Variants in GNAI3 observed in about 807,000 individuals in gnomAD.
GNAI3 encodes guanine nucleotide-binding protein G(i) subunit alpha-3.
In GNAI3, 12 loss-of-function variants were observed where a neutral mutation model predicts 41.8. That is an observed-to-expected ratio of 0.29 (90% CI 0.18 to 0.47). The LOEUF (loss-of-function observed/expected upper bound fraction) is 0.47. GNAI3 is among the 20% of genes least tolerant of loss of function. The pLI is 1.00. For missense variants in GNAI3, 360 were observed against 429.6 expected (o/e 0.84, Z 1.43); for synonymous variants, 132 against 146.5 (o/e 0.90, Z 0.71).
At chr1:109,559,303 G>A (rs79204218) in intron 1 of GNAI3, among the ~76,000 whole-genome samples, 34 of 152,306 alleles carry the variant, frequency 2.2e-4, no homozygotes, top group African/African-American at 7.9e-4. Context: ...TAGTAGACTA[G>A]CAATAATAAA....
Position 109,586,820 on chromosome 1 carries a change from A to T in GNAI3, c.812A>T (p.Lys271Ile), listed in dbSNP as rs751150020. 1 of 1,598,954 alleles carries T rather than the reference A, an allele frequency of 6.3e-7. No individual in the cohort carries two copies. Among genetic ancestry groups the T allele is most frequent in the Non-Finnish European group, 8.6e-7 (1 of 1,166,378 alleles). ...ETSIILFLNK[K>I]DLFEEKIKRS... ...TCAATCATTCTCTTCCTTAACAAGAAAGACCTTTTTGAGGAAAAAATAAAG... is the reference window on the plus strand; with the variant it reads ...TCAATCATTCTCTTCCTTAACAAGATAGACCTTTTTGAGGAAAAAATAAAG... The change falls in exon 7 of 9, where the codon AAA becomes ATA. Residue 271 changes from lysine to isoleucine, a missense_variant. Lys to Ile is a moderately radical substitution (Grantham distance 102, BLOSUM62 -3). Coordinates refer to ENST00000369851, the MANE Select transcript of GNAI3 (RefSeq NM_006496.4).
chr1:109,598,158 T>G lies in GNAI3; in HGVS notation c.*5836T>G, dbSNP rs982459305. 1 of 152,218 alleles carries G rather than the reference T, an allele frequency of 6.6e-6. No homozygotes were observed. Among genetic ancestry groups the G allele is most frequent in the Non-Finnish European group, 1.5e-5 (1 of 68,038 alleles). 9.4% of individuals were successfully genotyped at this position (152,218 alleles called of 1,614,324 possible). A position where few individuals can be genotyped will look rare whatever the true frequency, so the allele number is the denominator to read the frequency against. On this transcript the variant is annotated 3_prime_UTR_variant, in exon 9 of 9. Coordinates refer to ENST00000369851, the MANE Select transcript of GNAI3 (RefSeq NM_006496.4). ...CTCTCCCTACGCCCAAAATTCTCCT[T>G]AGGTTATCCAGACATTTTTACTAAG...
chr1:109,594,876 A>G lies in GNAI3; in HGVS notation c.*2554A>G, dbSNP rs1223877510. 1 of 152,144 alleles carries G rather than the reference A, an allele frequency of 6.6e-6. No individual in the cohort carries two copies. Among genetic ancestry groups the G allele is most frequent in the East Asian group, 1.9e-4 (1 of 5,192 alleles). The allele number at this position is 152,144 out of a possible 1,614,324, so 9.4% of individuals were successfully genotyped here. A position where few individuals can be genotyped will look rare whatever the true frequency, so the allele number is the denominator to read the frequency against. Reference sequence around the variant, plus strand: ...ATGGTCTTGATCCCCTGACCTCGTGATCTGCCTGCCTCAGCCTCCCAAAGT... The same window carrying G: ...ATGGTCTTGATCCCCTGACCTCGTGGTCTGCCTGCCTCAGCCTCCCAAAGT... On this transcript the variant is annotated 3_prime_UTR_variant, in exon 9 of 9. Transcript: ENST00000369851.
At chr1:109,572,771 G>C (rs1245073936) in intron 1 of GNAI3, among the ~76,000 whole-genome samples, 1 of 152,028 alleles carries the variant, frequency 6.6e-6, no homozygotes, top group African/African-American at 2.4e-5. Flanking sequence ...TGACCCAGTG[G>C]AAAGAAAAAA....
chr1:109,578,470 C>CAAAAAAAAAAAAAA (rs35519193), intron 3 of GNAI3, among the ~76,000 whole-genome samples: 5 of 84,308 alleles, frequency 5.9e-5, no homozygotes, highest in African/African-American at 9.2e-5. Context: ...AACTCCGTCT[C>CAAAAAAAAAAAAAA]AAAAAAAAAA....
chr1:109,565,400 T>C (rs1285544187), intron 1 of GNAI3, among the ~76,000 whole-genome samples: 2 of 152,048 alleles, frequency 1.3e-5, no homozygotes, highest in African/African-American at 2.4e-5. Flanking sequence ...AGAGTAAGGT[T>C]AGAAGGGAGT....
Position 109,591,715 on chromosome 1 carries a change from C to G in GNAI3, c.875-328C>G, listed in dbSNP as rs531053306. On this transcript the variant is annotated intron_variant, in intron 7 of 8. Coordinates refer to ENST00000369851, the MANE Select transcript of GNAI3 (RefSeq NM_006496.4). ...CTCAGACCTTTTAAGCAGTTGTGTTCCCTAGAAATGCACCTTCCTACTTTC... is the reference window on the plus strand; with the variant it reads ...CTCAGACCTTTTAAGCAGTTGTGTTGCCTAGAAATGCACCTTCCTACTTTC... 4.3e-4 allele frequency: 158 copies of G among 371,092 alleles called. 1 individual carries two copies. Among genetic ancestry groups the G allele is most frequent in the African/African-American group, 2.9e-3 (139 of 48,278 alleles). 23.0% of individuals were successfully genotyped at this position (371,092 alleles called of 1,614,324 possible). A position where few individuals can be genotyped will look rare whatever the true frequency, so the allele number is the denominator to read the frequency against.
chr1:109,588,704 C>G (rs1557912619), intron 7 of GNAI3, among the ~76,000 whole-genome samples: 1 of 152,050 alleles, frequency 6.6e-6, no homozygotes, highest in South Asian at 2.1e-4. Context: ...ACCATCCTGA[C>G]CAATGTGGTG....
intron 1 of GNAI3, among the ~76,000 whole-genome samples, chr1:109,553,760 G>A (rs1648067095): frequency 6.6e-6 from 1 of 152,188 alleles, no homozygotes; most frequent in Admixed American, 6.5e-5. Context: ...GTTTGGTTAC[G>A]TGAATAAGTT....
At chr1:109,580,712 G>A (rs6658855) in intron 4 of GNAI3, among the ~76,000 whole-genome samples, 42,752 of 152,052 alleles carry the variant, frequency 0.28, 7,211 homozygotes, top group African/African-American at 0.47. Flanking sequence ...GTGTATCTCA[G>A]CATCTCTAAA....
At chr1:109,549,908 T>C (rs1647938813) in intron 1 of GNAI3, among the ~76,000 whole-genome samples, 1 of 152,180 alleles carries the variant, frequency 6.6e-6, no homozygotes, top group Non-Finnish European at 1.5e-5. Flanking sequence ...ATACAAAGAA[T>C]ACTGGCATTA....
At chr1:109,567,971 GTT>G (rs35770839) in intron 1 of GNAI3, among the ~76,000 whole-genome samples, 23 of 139,576 alleles carry the variant, frequency 1.6e-4, no homozygotes, top group South Asian at 2.3e-4. Context: ...AGGGGATAGT[GTT>G]TTTTTTTTTT....
At chr1:109,590,618 C>G (rs1649148247) in intron 7 of GNAI3, among the ~76,000 whole-genome samples, 1 of 151,730 alleles carries the variant, frequency 6.6e-6, no homozygotes, top group Admixed American at 6.6e-5. Flanking sequence ...CTCTGTCTCC[C>G]AGACAGAAAT....
chr1:109,566,350 C>T (rs1009101207), intron 1 of GNAI3, among the ~76,000 whole-genome samples: 1 of 152,158 alleles, frequency 6.6e-6, no homozygotes, highest in East Asian at 1.9e-4. Context: ...CCCACCAGAC[C>T]GTAAAGTCCA....
intron 1 of GNAI3, among the ~76,000 whole-genome samples, chr1:109,573,110 A>T (rs986299320): frequency 6.6e-6 from 1 of 152,152 alleles, no homozygotes; most frequent in Non-Finnish European, 1.5e-5. Flanking sequence ...TAGGAAAATG[A>T]GTTGACTAGG....
At chr1:109,550,441 T>C (rs1647952344) in intron 1 of GNAI3, among the ~76,000 whole-genome samples, 12 of 152,176 alleles carry the variant, frequency 7.9e-5, no homozygotes, top group Admixed American at 7.9e-4. Context: ...GCTCCTTAAA[T>C]ATTTACTGTT....
At position 109,574,508 on chromosome 1, in the gene GNAI3, A is replaced by G. The variant is rs373791788; in HGVS notation, c.303+471A>G. On this transcript the variant is annotated intron_variant, in intron 3 of 8. Transcript: ENST00000369851. ...TAAGTCAGATATTCAAGAATACTGT[A>G]TACTACATGGAACCTAAGGCTATAG... 8.9e-4 allele frequency among the ~76,000 whole-genome samples: 135 copies of G among 152,296 alleles called. No homozygotes were observed. The South Asian group carries it at 0.027, about 31-fold the overall frequency.
At chr1:109,564,778 A>G (rs1034380997) in intron 1 of GNAI3, among the ~76,000 whole-genome samples, 3 of 152,182 alleles carry the variant, frequency 2.0e-5, no homozygotes, top group African/African-American at 7.2e-5. Context: ...AGGGATTTTT[A>G]TAGAAGAGAT....
chr1:109,555,053 C>T (rs1302246661), intron 1 of GNAI3, among the ~76,000 whole-genome samples: 1 of 152,168 alleles, frequency 6.6e-6, no homozygotes, highest in Non-Finnish European at 1.5e-5. Context: ...AATGGAAACA[C>T]GTCCCATGCT....
Sources: allele counts gnomAD v4.1 joint callset (sites outside exome capture counted in the v4.1 genomes callset), GRCh38; gene constraint gnomAD v4.1.1; transcripts MANE v1.5; gene names NCBI Gene and HGNC (gene_info 2026-07-23, HGNC 2026-07-21).